Variants in PCGF5 observed in about 807,000 individuals in gnomAD.
PCGF5 encodes the protein polycomb group ring finger 5, also known as polycomb group RING finger protein 5.
A neutral mutation model predicts 44.3 loss-of-function variants in PCGF5; 9 were observed. The ratio of observed to expected loss-of-function variants is 0.20; its 90% CI spans 0.12 to 0.35. The LOEUF is 0.35. Ranked by LOEUF, PCGF5 falls within the 10% of genes least tolerant of loss-of-function variation. The pLI is 1.00. For missense variants in PCGF5, 146 were observed against 305.3 expected (o/e 0.48, Z 3.89); for synonymous variants, 95 against 102.5 (o/e 0.93, Z 0.44).
At chr10:91,199,503 C>A (rs574103989) in intron 1 of PCGF5, among the ~76,000 whole-genome samples, 1 of 152,310 alleles carries the variant, frequency 6.6e-6, no homozygotes, top group East Asian at 1.9e-4. Flanking sequence ...TGAGGACATG[C>A]CTGCAAGAGG....
chr10:91,202,154 C>T (rs1460404979), intron 1 of PCGF5, among the ~76,000 whole-genome samples: 3 of 152,184 alleles, frequency 2.0e-5, no homozygotes, highest in Admixed American at 6.5e-5. Flanking sequence ...TTTATATGTT[C>T]ACTGCTTAGA....
chr10:91,259,701 C>G (rs1182852311), intron 6 of PCGF5, among the ~76,000 whole-genome samples: 1 of 152,010 alleles, frequency 6.6e-6, no homozygotes, highest in Admixed American at 6.6e-5. Flanking sequence ...ACAAACCTGA[C>G]AAAAACAAGA....
At chr10:91,249,731 T>C (rs1845577217) in intron 5 of PCGF5, among the ~76,000 whole-genome samples, 1 of 151,906 alleles carries the variant, frequency 6.6e-6, no homozygotes, top group African/African-American at 2.4e-5. Flanking sequence ...AGTTTGAGAA[T>C]AGTTTTGATG....
intron 1 of PCGF5, among the ~76,000 whole-genome samples, chr10:91,201,402 C>A (rs1431426512): frequency 6.6e-6 from 1 of 152,090 alleles, no homozygotes; most frequent in Non-Finnish European, 1.5e-5. Context: ...CCTCTAAATG[C>A]CATCAACGTA....
At chr10:91,164,222 T>TC (rs898608769) in intron 1 of PCGF5, among the ~76,000 whole-genome samples, 80 of 149,948 alleles carry the variant, frequency 5.3e-4, no homozygotes, top group African/African-American at 1.9e-3. Flanking sequence ...GACAGCGGGG[T>TC]CCCCCCCTTC....
intron 6 of PCGF5, among the ~76,000 whole-genome samples, chr10:91,261,018 G>A (rs1225230203): frequency 6.7e-6 from 1 of 148,624 alleles, no homozygotes; most frequent in Non-Finnish European, 1.5e-5. Context: ...TATGCTTTTT[G>A]TGACCTTTTT....
chr10:91,162,961 C>T (rs1270233418), upstream of PCGF5: 1 of 145,282 alleles, frequency 6.9e-6, no homozygotes, highest in African/African-American at 2.5e-5. Context: ...GCCGCTCGCA[C>T]CCCCGCTGCC....
At chr10:91,217,012 C>T (rs1844553489), upstream of PCGF5, among the ~76,000 whole-genome samples, 1 of 151,864 alleles carries the variant, frequency 6.6e-6, no homozygotes, top group Non-Finnish European at 1.5e-5. Context: ...TTCTTAGGTA[C>T]ATAATTTATA....
Position 91,177,751 on chromosome 10 carries a change from G to A in PCGF5, c.-184+14670G>A, listed in dbSNP as rs183130543. Among the ~76,000 whole-genome samples the A allele has an allele frequency of 1.9e-3, 292 of 152,304 alleles. 1 individual carries two copies. The highest frequency in any genetic ancestry group is 2.5e-3 in the Non-Finnish European group (167 of 68,028). On this transcript the variant is annotated intron_variant, in intron 1 of 9. Transcript: ENST00000614189. ...TGGTGCGCCATTTGCTAAGACCGTC[G>A]GAAAAGTGCAGTATTAGGGTGGGAG...
At chr10:91,230,828 G>T (rs1026941710) in intron 2 of PCGF5, among the ~76,000 whole-genome samples, 1 of 151,806 alleles carries the variant, frequency 6.6e-6, no homozygotes, top group African/African-American at 2.4e-5. Context: ...TGGCCATGTT[G>T]CCCAGCCTGG....
chr10:91,200,625 A>G (rs1303535507), intron 1 of PCGF5, among the ~76,000 whole-genome samples: 1 of 152,026 alleles, frequency 6.6e-6, no homozygotes, highest in Non-Finnish European at 1.5e-5. Context: ...AGTCTTGAAC[A>G]CAGTCTCAGT....
chr10:91,195,465 TGC>T (rs1398886125), intron 1 of PCGF5, among the ~76,000 whole-genome samples: 102 of 100,230 alleles, frequency 1.0e-3, no homozygotes, highest in African/African-American at 2.9e-3. Flanking sequence ...TATATATATA[TGC>T]ATGCATATAT....
intron 8 of PCGF5, among the ~76,000 whole-genome samples, chr10:91,270,331 G>T (rs1846148906): frequency 6.6e-6 from 1 of 151,174 alleles, no homozygotes; most frequent in Non-Finnish European, 1.5e-5. Context: ...GTAGGCAATT[G>T]TAAGAAAAGC....
chr10:91,162,866 CCCGCCGCCGCCAGCG>C (rs912232816), upstream of PCGF5: 2 of 149,398 alleles, frequency 1.3e-5, no homozygotes, highest in Non-Finnish European at 2.9e-5. Context: ...TCGCCCCGCG[CCCGCCGCCGCCAGCG>C]CCGCCGCCGC....
At chr10:91,178,601 G>A (rs775975524) in intron 1 of PCGF5, among the ~76,000 whole-genome samples, 12 of 151,946 alleles carry the variant, frequency 7.9e-5, no homozygotes, top group Non-Finnish European at 1.8e-4. Flanking sequence ...TGTTGTCCAG[G>A]CTGGTCTCAA....
intron 6 of PCGF5, among the ~76,000 whole-genome samples, chr10:91,258,360 C>T (rs1845809692): frequency 6.6e-6 from 1 of 152,092 alleles, no homozygotes; most frequent in African/African-American, 2.4e-5. Flanking sequence ...TCTTCCAGTA[C>T]AGGTTGAGTA....
intron 1 of PCGF5, among the ~76,000 whole-genome samples, chr10:91,212,537 AT>A (rs1844471019): frequency 6.6e-6 from 1 of 152,190 alleles, no homozygotes; most frequent in Non-Finnish European, 1.5e-5. Context: ...CTTGATTAAT[AT>A]TTTATATTGT....
intron 1 of PCGF5, among the ~76,000 whole-genome samples, chr10:91,163,815 C>T (rs116807590): frequency 0.038 from 5,565 of 148,232 alleles, 357 homozygotes; most frequent in African/African-American, 0.13. Context: ...CCTGCGGGCG[C>T]TGCCCGCGCG....
At chr10:91,194,656 T>C (rs974790645) in intron 1 of PCGF5, among the ~76,000 whole-genome samples, 2 of 151,904 alleles carry the variant, frequency 1.3e-5, no homozygotes, top group Admixed American at 1.3e-4. Flanking sequence ...TGGATATGAG[T>C]CTGGAGGTGA....
Sources: allele counts gnomAD v4.1 joint callset (sites outside exome capture counted in the v4.1 genomes callset), GRCh38; gene constraint gnomAD v4.1.1; transcripts MANE v1.5; gene names NCBI Gene and HGNC (gene_info 2026-07-23, HGNC 2026-07-21).